PARP1: variants seen among roughly 807,000 people sequenced by gnomAD.
PARP1 encodes the protein poly [ADP-ribose] polymerase 1.
In PARP1, 44 loss-of-function variants were observed where a neutral mutation model predicts 118.7. The observed-to-expected ratio is 0.37, with a 90% CI of 0.29 to 0.48. PARP1 has a LOEUF of 0.48. Among genes scored for constraint, PARP1 ranks in the 20% least tolerant of loss-of-function variants. The pLI, the probability that PARP1 is intolerant of heterozygous loss-of-function variation, is 0.99. For synonymous variants in PARP1, 492 were observed against 483.2 expected, an observed-to-expected ratio of 1.02 and a Z score of -0.24; for missense variants, 1,100 against 1,272.4, an observed-to-expected ratio of 0.86 and a Z score of 2.06.
At chr1:226,404,461 A>G (rs1665099500) in intron 1 of PARP1, among the ~76,000 whole-genome samples, 1 of 152,206 alleles carries the variant, frequency 6.6e-6, no homozygotes, top group Non-Finnish European at 1.5e-5. Flanking sequence ...TTGTATAAAG[A>G]GCACAGGTAA....
intron 14 of PARP1, among the ~76,000 whole-genome samples, chr1:226,374,012 T>C (rs1664443843): frequency 6.6e-6 from 1 of 152,070 alleles, no homozygotes; most frequent in African/African-American, 2.4e-5. Context: ...ACACAACACA[T>C]GCTTCACTGC....
intron 14 of PARP1, chr1:226,370,735 G>A (rs954100289): frequency 2.5e-5 from 15 of 609,592 alleles, no homozygotes; most frequent in South Asian, 1.6e-4. Context: ...CTTCCTTTAC[G>A]GCTGGGCTTA....
chr1:226,381,844 AG>A (rs755405230), intron 8 of PARP1, among the ~76,000 whole-genome samples: 16 of 152,206 alleles, frequency 1.1e-4, no homozygotes, highest in Admixed American at 3.3e-4. Context: ...TGCAAGGAAA[AG>A]TCCTTCCTGC....
intron 7 of PARP1, among the ~76,000 whole-genome samples, chr1:226,384,894 C>A (rs903085871): frequency 6.6e-6 from 1 of 152,222 alleles, no homozygotes. Context: ...GAGCTCTGCA[C>A]CTACCCAGGC....
intron 4 of PARP1, among the ~76,000 whole-genome samples, chr1:226,389,455 G>T (rs147338417): frequency 1.3e-5 from 2 of 152,290 alleles, no homozygotes; most frequent in East Asian, 3.9e-4. Flanking sequence ...CCATAAAATA[G>T]GGAAAAGAAT....
rs1558232578 is a variant in PARP1 at position 226,363,152 on chromosome 1, A to T, written c.2795T>A (p.Leu932Gln). ...CTTGCTGATATGTGAAGCGTGCTTCAGTTCATACCTATTCAAAAGAGGACA... is the reference window on the plus strand; with the variant it reads ...CTTGCTGATATGTGAAGCGTGCTTCTGTTCATACCTATTCAAAAGAGGACA... ...GEVALGNMYE[L>Q]KHASHISKLP... Residue 932 changes from leucine (L) to glutamine (Q), a missense_variant, in exon 21 of 23, where the codon CTG (leucine) becomes CAG (glutamine). By Grantham distance (113) the Leu-to-Gln change is moderately radical. Transcript: ENST00000366794. The T allele has an allele frequency of 6.2e-7, 1 of 1,612,620 alleles. No individual in the cohort carries two copies. Among genetic ancestry groups the T allele is most frequent in the Non-Finnish European group, 8.5e-7 (1 of 1,178,558 alleles).
intron 8 of PARP1, among the ~76,000 whole-genome samples, chr1:226,382,462 G>A (rs1576396931): frequency 6.6e-6 from 1 of 152,154 alleles, no homozygotes. Context: ...TAAGGCTGTC[G>A]ACCTAGCCTT....
At chr1:226,405,640 C>T (rs895549508) in intron 1 of PARP1, among the ~76,000 whole-genome samples, 1 of 152,138 alleles carries the variant, frequency 6.6e-6, no homozygotes, top group Non-Finnish European at 1.5e-5. Flanking sequence ...TCAGTTTCCT[C>T]CATCCGGCCT....
At chr1:226,398,032 A>C (rs1023809386) in intron 2 of PARP1, among the ~76,000 whole-genome samples, 4 of 152,202 alleles carry the variant, frequency 2.6e-5, no homozygotes, top group Non-Finnish European at 5.9e-5. Flanking sequence ...AGTAACCAAA[A>C]TGGATAACAG....
chr1:226,378,210 G>GT (rs891316352), intron 12 of PARP1, among the ~76,000 whole-genome samples: 6 of 152,042 alleles, frequency 3.9e-5, no homozygotes, highest in Non-Finnish European at 5.9e-5. Flanking sequence ...TTAGAATTTA[G>GT]TAAGAGTTCC....
At position 226,365,968 on chromosome 1, in the gene PARP1, A is replaced by G. The variant is rs748162332; in HGVS notation, c.2491T>C (p.Leu831=). 24 of 1,608,620 alleles carry G rather than the reference A, an allele frequency of 1.5e-5. No individual in the cohort carries two copies. The highest frequency in any genetic ancestry group is 2.2e-5 in the East Asian group (1 of 44,864). The change falls in exon 18 of 23, where the codon TTG becomes CTG. Residue 831 remains leucine (L), a synonymous_variant. Coordinates refer to ENST00000366794, the MANE Select transcript of PARP1 (RefSeq NM_001618.4). ...THATTHNAYD[L]EVIDIFKIER... is the part of the protein sequence containing the mutation. Reference sequence around the variant, plus strand: ...GGGATTCTTACATCGATGACTTCCAAGTCATACGCATTGTGTGTGGTTGCA... The same window carrying G: ...GGGATTCTTACATCGATGACTTCCAGGTCATACGCATTGTGTGTGGTTGCA...
chr1:226,372,726 A>G (rs568712424), intron 14 of PARP1, among the ~76,000 whole-genome samples: 1 of 152,294 alleles, frequency 6.6e-6, no homozygotes, highest in Admixed American at 6.5e-5. Context: ...ACAACATTTC[A>G]CAGGAAAGGA....
chr1:226,388,920 C>T (rs1364917040), intron 4 of PARP1, among the ~76,000 whole-genome samples, 165 bp from the exon 5 acceptor site: 1 of 152,144 alleles, frequency 6.6e-6, no homozygotes, highest in East Asian at 1.9e-4. Context: ...CTTAGGCGAT[C>T]ACTGTCTACT....
Position 226,368,402 on chromosome 1 carries a change from G to T in PARP1, c.2155-81C>A, listed in dbSNP as rs991748353. Reference sequence around the variant, plus strand: ...GGCCAGGCTTTCTCTTTTAGCAGGTGGGTGCTGCAGCAGGTCCAGAAGTAG... The same window carrying T: ...GGCCAGGCTTTCTCTTTTAGCAGGTTGGTGCTGCAGCAGGTCCAGAAGTAG... On this transcript the variant is annotated intron_variant, in intron 15 of 22. Coordinates refer to ENST00000366794, the MANE Select transcript of PARP1 (RefSeq NM_001618.4). 1.9e-5 allele frequency: 30 copies of T among 1,585,952 alleles called. No individual in the cohort carries two copies. In the African/African-American group the frequency reaches 3.4e-4, roughly 18 times the overall value.
chr1:226,362,600 C>G (rs1048170990), intron 21 of PARP1, among the ~76,000 whole-genome samples: 1 of 152,206 alleles, frequency 6.6e-6, no homozygotes, highest in Non-Finnish European at 1.5e-5. Flanking sequence ...AATTTCAAAG[C>G]GGCCACTTCA....
intron 11 of PARP1, 106 bp downstream of exon 11, chr1:226,379,467 G>T: frequency 3.5e-6 from 4 of 1,146,632 alleles, no homozygotes; most frequent in South Asian, 2.5e-5. Context: ...ACAAAGGCAC[G>T]ACCACACTGC....
intron 5 of PARP1, among the ~76,000 whole-genome samples, chr1:226,386,689 G>A (rs1170349150): frequency 6.6e-6 from 1 of 152,118 alleles, no homozygotes; most frequent in Non-Finnish European, 1.5e-5. Flanking sequence ...AAGGGTGTGG[G>A]GGAGACTGCA....
At position 226,407,835 on chromosome 1, in the gene PARP1, G is replaced by A. The variant is rs750681422; in HGVS notation, c.95C>T (p.Ser32Leu). 1.1e-5 allele frequency: 18 copies of A among 1,590,750 alleles called. No individual in the cohort carries two copies. Among genetic ancestry groups the A allele is most frequent in the South Asian group, 1.1e-4 (10 of 88,574 alleles). Residue 32 changes from serine (S) to leucine (L), a missense_variant, in exon 1 of 23, where the codon TCG becomes TTG. Ser to Leu is a moderately radical substitution (Grantham distance 145). This residue lies in a region of PARP1 where 948 missense variants were observed against 1,031.8 expected (regional missense o/e 0.92). Coordinates refer to ENST00000366794, the MANE Select transcript of PARP1 (RefSeq NM_001618.4). ...KKCSESIPKD[S>L]LRMAIMVQSP... The stretch of plus-strand genomic sequence containing the variant: ...CTGCACCATGATGGCCATCCGGAGC[G>A]AGTCCTTGGGGATGCTCTCGCTGCA...
rs2102750377 is a variant in PARP1, at chr1:226,407,939, G to A, written c.-10C>T. 2 of 1,612,262 alleles carry A rather than the reference G, an allele frequency of 1.2e-6. No individual in the cohort carries two copies. Among genetic ancestry groups the A allele is most frequent in the Non-Finnish European group, 1.7e-6 (2 of 1,179,030 alleles). Reference sequence around the variant, plus strand: ...CCGAAGACTCCGCCATCCTCCCCTAGCTGCCGCCAAAGCTCCGGAAGCCCG... The same window carrying A: ...CCGAAGACTCCGCCATCCTCCCCTAACTGCCGCCAAAGCTCCGGAAGCCCG... On this transcript the variant is annotated 5_prime_UTR_variant, in exon 1 of 23. Transcript: ENST00000366794.
Sources: gnomAD v4.1 joint callset for allele counts (sites outside exome capture counted in the v4.1 genomes callset) on GRCh38, gnomAD v4.1.1 for gene constraint, gnomAD v4.1.1 regional missense constraint, MANE v1.5 for transcripts, NCBI Gene and HGNC (gene_info 2026-07-23, HGNC 2026-07-21) for gene names.